Variants in PPFIA2 observed in about 807,000 individuals in gnomAD.
PPFIA2 encodes the protein liprin-alpha-2.
A neutral mutation model predicts 175.5 loss-of-function variants in PPFIA2; 46 were observed. That is an observed-to-expected ratio of 0.26 (90% confidence interval 0.21 to 0.34). The LOEUF (loss-of-function observed/expected upper bound fraction) is 0.34. Among genes scored for constraint, PPFIA2 ranks in the 10% least tolerant of loss-of-function variants. PPFIA2 has a pLI of 1.00. For missense variants in PPFIA2, 1,179 were observed against 1,506.1 expected (o/e 0.78, Z 3.60); for synonymous variants, 568 against 511.4 (o/e 1.11, Z -1.49).
chr12:81,688,689 T>C (rs2074786610), intron 3 of PPFIA2, among the ~76,000 whole-genome samples: 1 of 150,870 alleles, frequency 6.6e-6, no homozygotes. Context: ...TGTTAATAAC[T>C]GCAGTTCCTC....
At position 81,481,387 on chromosome 12, in the gene PPFIA2, A is replaced by G. The variant is rs1394046734; in HGVS notation, c.304-23521T>C. On this transcript the variant is annotated intron_variant, in intron 4 of 32. Coordinates refer to ENST00000549396, the MANE Select transcript of PPFIA2 (RefSeq NM_003625.5). ...GACTTTCTTCACAGAATTAGAAAAAACTACTTTAAATTTCATATGGAACCA... is the reference window on the plus strand; with the variant it reads ...GACTTTCTTCACAGAATTAGAAAAAGCTACTTTAAATTTCATATGGAACCA... 2.6e-5 allele frequency among the ~76,000 whole-genome samples: 4 copies of G among 152,274 alleles called. No homozygotes were observed. In the East Asian group the frequency reaches 7.7e-4, roughly 29 times the overall value.
At chr12:81,559,736 A>C (rs1017327928) in intron 4 of PPFIA2, among the ~76,000 whole-genome samples, 3 of 151,892 alleles carry the variant, frequency 2.0e-5, no homozygotes, top group Non-Finnish European at 2.9e-5. Context: ...TAAATGCAAG[A>C]TACTTATTAA....
chr12:81,267,205 T>C, intron 29 of PPFIA2, 185 bp from the exon 30 acceptor site: 1 of 584,380 alleles, frequency 1.7e-6, no homozygotes, highest in Non-Finnish European at 3.1e-6. Flanking sequence ...GGGCTTTTTT[T>C]TTTTTTTCTG....
intron 21 of PPFIA2, among the ~76,000 whole-genome samples, chr12:81,328,673 T>A (rs554811785): frequency 1.3e-5 from 2 of 152,296 alleles, no homozygotes; most frequent in African/African-American, 4.8e-5. Context: ...AGAGGGAATG[T>A]AAATGTTTGT....
chr12:81,484,920 TTCAG>T (rs1394258753), intron 4 of PPFIA2, among the ~76,000 whole-genome samples: 4 of 151,878 alleles, frequency 2.6e-5, no homozygotes, highest in Non-Finnish European at 4.4e-5. Flanking sequence ...AAGAAAGTGA[TTCAG>T]TAAGTGATAT....
chr12:81,281,155 A>G (rs2042016644), intron 27 of PPFIA2, 102 bp downstream of exon 27: 2 of 893,592 alleles, frequency 2.2e-6, no homozygotes, highest in South Asian at 4.8e-5. Context: ...AATGACATAT[A>G]TTTTCTGTCT....
intron 4 of PPFIA2, among the ~76,000 whole-genome samples, chr12:81,530,389 G>A (rs1363213611): frequency 6.6e-6 from 1 of 151,956 alleles, no homozygotes; most frequent in Non-Finnish European, 1.5e-5. Context: ...GTCAGAAGGT[G>A]AATAGAACTT....
Position 81,490,311 on chromosome 12 carries a change from T to C in PPFIA2, c.304-32445A>G, listed in dbSNP as rs1158630241. Among the ~76,000 whole-genome samples, 6 of 151,946 alleles carry C rather than the reference T, an allele frequency of 3.9e-5. No individual in the cohort carries two copies. In the South Asian group the frequency reaches 1.2e-3, roughly 32 times the overall value. ...AACGCAACCCACTGAAAATAGCCAA[T>C]CTAAACATTACAATCTCAGCATAAA... On this transcript the variant is annotated intron_variant, in intron 4 of 32. Transcript: ENST00000549396.
intron 8 of PPFIA2, among the ~76,000 whole-genome samples, chr12:81,404,027 A>C (rs796832608): frequency 1.3e-5 from 2 of 152,250 alleles, no homozygotes; most frequent in African/African-American, 4.8e-5. Context: ...CATGCCCCAC[A>C]GTCAATTTCT....
intron 4 of PPFIA2, among the ~76,000 whole-genome samples, chr12:81,561,755 C>CA (rs140867180): frequency 0.023 from 3,495 of 152,292 alleles, 135 homozygotes; most frequent in African/African-American, 0.08. Flanking sequence ...CACTTGTTCT[C>CA]AAAGGGTCTC....
chr12:81,739,395 A>G (rs1466677808), intron 3 of PPFIA2, among the ~76,000 whole-genome samples: 1 of 152,016 alleles, frequency 6.6e-6, no homozygotes, highest in Non-Finnish European at 1.5e-5. Flanking sequence ...GGATCAGACA[A>G]TTGGCTAACA....
chr12:81,311,824 A>AAAGTATG (rs991898942), intron 22 of PPFIA2, among the ~76,000 whole-genome samples: 46 of 152,040 alleles, frequency 3.0e-4, no homozygotes, highest in Non-Finnish European at 2.1e-4. Flanking sequence ...GAGTGGTCTC[A>AAAGTATG]AAGTATGACT....
chr12:81,631,884 T>C (rs1377174651), intron 4 of PPFIA2, among the ~76,000 whole-genome samples: 1 of 152,198 alleles, frequency 6.6e-6, no homozygotes, highest in Non-Finnish European at 1.5e-5. Flanking sequence ...ATGCCTTTAG[T>C]GACTTGGCAT....
chr12:81,506,770 T>C (rs1567113641), intron 4 of PPFIA2, among the ~76,000 whole-genome samples: 3 of 152,210 alleles, frequency 2.0e-5, no homozygotes, highest in Non-Finnish European at 4.4e-5. Flanking sequence ...GTAAATAATT[T>C]AGGCTTTTCT....
chr12:81,433,310 T>C (rs1286286599), intron 7 of PPFIA2, among the ~76,000 whole-genome samples: 1 of 152,214 alleles, frequency 6.6e-6, no homozygotes, highest in Non-Finnish European at 1.5e-5. Context: ...TCAAATGCTG[T>C]CTTTTTAGGT....
chr12:81,664,668 C>G (rs1227881173), intron 4 of PPFIA2, among the ~76,000 whole-genome samples: 1 of 151,970 alleles, frequency 6.6e-6, no homozygotes, highest in Non-Finnish European at 1.5e-5. Context: ...ACTGTTTGAC[C>G]CAGCCATCCC....
intron 4 of PPFIA2, among the ~76,000 whole-genome samples, chr12:81,597,791 C>G (rs1378551480): frequency 2.0e-5 from 3 of 151,904 alleles, no homozygotes; most frequent in African/African-American, 7.3e-5. Context: ...CCTATACCCA[C>G]AGTTTAAAGT....
intron 21 of PPFIA2, among the ~76,000 whole-genome samples, chr12:81,330,311 G>A (rs1350125107): frequency 6.6e-6 from 1 of 152,120 alleles, no homozygotes; most frequent in African/African-American, 2.4e-5. Flanking sequence ...TCCAACCTCT[G>A]ACTGGTGGCA....
chr12:81,465,038 G>A (rs951758510), intron 4 of PPFIA2, among the ~76,000 whole-genome samples: 1 of 152,058 alleles, frequency 6.6e-6, no homozygotes, highest in Non-Finnish European at 1.5e-5. Flanking sequence ...CAGGAAAGCT[G>A]GTTAGGAGAA....
Sources: gnomAD v4.1 joint callset for allele counts (sites outside exome capture counted in the v4.1 genomes callset) on GRCh38, gnomAD v4.1.1 for gene constraint, MANE v1.5 for transcripts, NCBI Gene and HGNC (gene_info 2026-07-23, HGNC 2026-07-21) for gene names.